BMPR1B: variants seen among roughly 807,000 people sequenced by gnomAD.
BMPR1B encodes the protein bone morphogenetic protein receptor type-1B.
A neutral mutation model predicts 59.1 loss-of-function variants in BMPR1B; 12 were observed. The observed-to-expected ratio is 0.20, with a 90% CI of 0.13 to 0.33. The LOEUF is 0.33. Among genes scored for constraint, BMPR1B ranks in the 10% least tolerant of loss-of-function variants. The pLI, the probability that BMPR1B is intolerant of heterozygous loss-of-function variation, is 1.00. For missense variants in BMPR1B, 550 were observed against 610.9 expected (o/e 0.90, Z 1.05); for synonymous variants, 237 against 207.3 (o/e 1.14, Z -1.23).
At chr4:94,839,279 C>G in intron 1 of BMPR1B, among the ~76,000 whole-genome samples, 1 of 135,342 alleles carries the variant, frequency 7.4e-6, no homozygotes, top group African/African-American at 2.8e-5. Flanking sequence ...ATTAGGTCTG[C>G]TTGGTGCAGA....
intron 1 of BMPR1B, among the ~76,000 whole-genome samples, chr4:94,854,478 T>A (rs914190559): frequency 6.6e-6 from 1 of 152,180 alleles, no homozygotes; most frequent in African/African-American, 2.4e-5. Flanking sequence ...TGCAAGTTTT[T>A]GATAACGGTG....
chr4:94,901,137 G>C (rs146574930), intron 2 of BMPR1B, among the ~76,000 whole-genome samples: 69 of 152,038 alleles, frequency 4.5e-4, no homozygotes, highest in African/African-American at 1.6e-3. Context: ...TCTGCTTCCT[G>C]GGTACATTGG....
chr4:95,042,222 A>T (rs917922411), intron 3 of BMPR1B, among the ~76,000 whole-genome samples: 2 of 152,200 alleles, frequency 1.3e-5, no homozygotes, highest in South Asian at 4.1e-4. Flanking sequence ...ACACATTTTT[A>T]TTGTATTAAC....
chr4:94,962,946 C>T (rs761770688), intron 2 of BMPR1B, among the ~76,000 whole-genome samples: 1 of 152,112 alleles, frequency 6.6e-6, no homozygotes, highest in Non-Finnish European at 1.5e-5. Context: ...CAGCAGTGTA[C>T]TAGCATTCTC....
chr4:95,075,337 A>G (rs1399680157), intron 3 of BMPR1B, among the ~76,000 whole-genome samples: 1 of 152,130 alleles, frequency 6.6e-6, no homozygotes, highest in African/African-American at 2.4e-5. Context: ...TGACTGCTAT[A>G]CTTATGATTT....
At chr4:95,070,715 G>A (rs1328094027) in intron 3 of BMPR1B, among the ~76,000 whole-genome samples, 2 of 152,106 alleles carry the variant, frequency 1.3e-5, no homozygotes, top group African/African-American at 4.8e-5. Context: ...GTTCCTGCAG[G>A]AGCATAGAAG....
Position 94,868,760 on chromosome 4 carries a change from CTTA to C in BMPR1B, c.-182-7064_-182-7062del, listed in dbSNP as rs556027042. On this transcript the variant is annotated intron_variant, in intron 1 of 12. Coordinates refer to ENST00000515059, the MANE Select transcript of BMPR1B (RefSeq NM_001203.3). ...TTTGAATTTAGCATAATGCATTTGA[CTTA>C]TTATTAATCAAAGGTGTTGCACAGG... Among the ~76,000 whole-genome samples, 221 of 152,296 alleles carry C rather than the reference CTTA, an allele frequency of 1.5e-3. 2 individuals carry two copies. The South Asian group carries it at 0.021, about 14-fold the overall frequency.
intron 1 of BMPR1B, among the ~76,000 whole-genome samples, chr4:94,846,572 A>G (rs1725339810): frequency 6.6e-6 from 1 of 152,110 alleles, no homozygotes; most frequent in South Asian, 2.1e-4. Flanking sequence ...CCTGCCCTTG[A>G]ACATCGGACT....
Position 94,948,865 on chromosome 4 carries a change from G to C in BMPR1B, c.-112-47175G>C, listed in dbSNP as rs145271014. On this transcript the variant is annotated intron_variant, in intron 2 of 12. Coordinates refer to ENST00000515059, the MANE Select transcript of BMPR1B (RefSeq NM_001203.3). The stretch of plus-strand genomic sequence containing the variant: ...TGAGTCTGGGGACGAGAGGTTGTGA[G>C]GCATACCTTGCCAAGGAGTGTGGGT... 2.6e-5 allele frequency among the ~76,000 whole-genome samples: 4 copies of C among 152,286 alleles called. No homozygotes were observed. The East Asian group carries it at 7.7e-4, about 29-fold the overall frequency.
chr4:95,121,533 T>C (rs1732527275), intron 6 of BMPR1B, among the ~76,000 whole-genome samples: 1 of 152,064 alleles, frequency 6.6e-6, no homozygotes, highest in South Asian at 2.1e-4. Flanking sequence ...CCAAAAATAA[T>C]ACAGACACAC....
chr4:94,978,985 G>A (rs1342455431), intron 2 of BMPR1B, among the ~76,000 whole-genome samples: 4 of 145,174 alleles, frequency 2.8e-5, no homozygotes, highest in Admixed American at 6.8e-5. Context: ...CACACGAAAG[G>A]TAAGAGTAGA....
At position 95,154,535 on chromosome 4, in the gene BMPR1B, T is replaced by C; in HGVS notation, c.1384-13T>C. On this transcript the variant is annotated splice_polypyrimidine_tract_variant and intron_variant, in intron 12 of 12. Transcript: ENST00000515059. ...TGCAGATGATACATTTTTCTAACAT[T>C]TCTCTTCCTCAGTGTCTAAGGCAGA... The C allele has an allele frequency of 6.2e-7, 1 of 1,614,046 alleles. No individual in the cohort carries two copies. Among genetic ancestry groups the C allele is most frequent in the South Asian group, 1.1e-5 (1 of 91,082 alleles).
At chr4:94,896,170 C>G (rs1177045869) in intron 2 of BMPR1B, among the ~76,000 whole-genome samples, 2 of 151,820 alleles carry the variant, frequency 1.3e-5, no homozygotes, top group African/African-American at 2.4e-5. Context: ...TGAATAATAT[C>G]TTTCTTTAGG....
At chr4:95,110,290 G>A (rs953556259) in intron 4 of BMPR1B, among the ~76,000 whole-genome samples, 29 of 151,890 alleles carry the variant, frequency 1.9e-4, no homozygotes, top group African/African-American at 7.0e-4. Context: ...ACTAATGCTG[G>A]TTGAATGTAA....
intron 2 of BMPR1B, among the ~76,000 whole-genome samples, chr4:94,947,839 A>G (rs78779024): frequency 0.024 from 3,716 of 152,094 alleles, 60 homozygotes; most frequent in South Asian, 0.044. Flanking sequence ...CACCTGCACC[A>G]CCTCTGGCTG....
At chr4:94,908,069 AAAAAAAAAAAAAAAAAAAAAAGAAAAAAC>A (rs1728119049) in intron 2 of BMPR1B, among the ~76,000 whole-genome samples, 1 of 124,398 alleles carries the variant, frequency 8.0e-6, no homozygotes. Context: ...TTTAAAAAAA[AAAAAAAAAAAAAAAAAAAAAAGAAAAAAC>A]AAAAAAAAGT....
rs750834599 is a variant in BMPR1B, at chr4:95,088,793, G to GA, written c.-17-15605dup. Reference sequence around the variant, plus strand: ...TAAGTTTTTTCTTTAGAGGAAAGAAGAAAAAAAAAAGCTATGAGACTCCTA... The same window carrying GA: ...TAAGTTTTTTCTTTAGAGGAAAGAAGAAAAAAAAAAAGCTATGAGACTCCTA... On this transcript the variant is annotated intron_variant, in intron 3 of 12. Coordinates refer to ENST00000515059, the MANE Select transcript of BMPR1B (RefSeq NM_001203.3). Among the ~76,000 whole-genome samples the GA allele has an allele frequency of 3.7e-3, 538 of 146,924 alleles. 3 individuals carry two copies. The highest frequency in any genetic ancestry group is 0.013 in the African/African-American group (512 of 40,140).
intron 1 of BMPR1B, among the ~76,000 whole-genome samples, chr4:94,836,418 T>C (rs1477745237): frequency 7.3e-6 from 1 of 137,920 alleles, no homozygotes; most frequent in African/African-American, 2.9e-5. Context: ...CTCCAGCACC[T>C]GTTGTTTCCT....
chr4:94,915,135 C>T (rs1728432742), intron 2 of BMPR1B, among the ~76,000 whole-genome samples: 1 of 152,158 alleles, frequency 6.6e-6, no homozygotes, highest in African/African-American at 2.4e-5. Flanking sequence ...TTGAATTTTG[C>T]ATGTGTGACA....
Sources: allele counts gnomAD v4.1 joint callset (sites outside exome capture counted in the v4.1 genomes callset), GRCh38; gene constraint gnomAD v4.1.1; transcripts MANE v1.5; gene names NCBI Gene and HGNC (gene_info 2026-07-23, HGNC 2026-07-21).